Variants in CSNK2A1 observed in about 807,000 individuals in gnomAD.
CSNK2A1 encodes the protein casein kinase 2 alpha 1.
Under a neutral mutation model 62.9 loss-of-function variants are expected in CSNK2A1, and 10 were observed. The ratio of observed to expected loss-of-function variants is 0.16; its 90% confidence interval spans 0.10 to 0.27. The LOEUF is 0.27. Among genes scored for constraint, CSNK2A1 ranks in the 10% least tolerant of loss-of-function variants. The pLI, the probability that CSNK2A1 is intolerant of heterozygous loss-of-function variation, is 1.00. For synonymous variants in CSNK2A1, 124 were observed against 167.8 expected (o/e 0.74, Z 2.02); for missense variants, 160 against 492.0 (o/e 0.33, Z 6.38).
At chr20:490,549 GCC>G (rs1008508290) in intron 9 of CSNK2A1, among the ~76,000 whole-genome samples, 6 of 147,622 alleles carry the variant, frequency 4.1e-5, no homozygotes, top group Non-Finnish European at 7.5e-5. Context: ...GATTACAAGC[GCC>G]CACCACCGCG....
At position 475,368 on chromosome 20, in the gene CSNK2A1, G is replaced by A. The variant is rs561220815; in HGVS notation, c.*8593C>T. On this transcript the variant is annotated 3_prime_UTR_variant, in exon 14 of 14. Transcript: ENST00000217244. ...CCAACTACTTGGGAGGCTGAGGCAG[G>A]AGAATCGCTTGAACCTGGGAGGTGG... 2 of 152,110 alleles carry A rather than the reference G, an allele frequency of 1.3e-5. No individual in the cohort carries two copies. The highest frequency in any genetic ancestry group is 2.9e-5 in the Non-Finnish European group (2 of 68,214). 9.4% of individuals were successfully genotyped at this position (152,110 alleles called of 1,614,324 possible).
chr20:523,913 T>C lies in CSNK2A1; in HGVS notation c.-110+4020A>G, dbSNP rs189854180. On this transcript the variant is annotated intron_variant, in intron 2 of 13. Transcript: ENST00000217244. ...TAACTCAGAACAGAACAGTGGTTGCTAGAGATTAGGGGTGGGAGGCTAGGT... is the reference window on the plus strand; with the variant it reads ...TAACTCAGAACAGAACAGTGGTTGCCAGAGATTAGGGGTGGGAGGCTAGGT... 4.3e-3 allele frequency among the ~76,000 whole-genome samples: 626 copies of C among 145,280 alleles called. 4 individuals carry two copies. Among genetic ancestry groups the C allele is most frequent in the Non-Finnish European group, 6.6e-3 (440 of 66,484 alleles).
intron 8 of CSNK2A1, chr20:494,995 C>G (rs2018316634): frequency 6.6e-6 from 1 of 152,164 alleles, no homozygotes; most frequent in African/African-American, 2.4e-5. Flanking sequence ...TTCGTTTTTT[C>G]TTCTACATCA....
chr20:515,265 C>T lies in CSNK2A1; in HGVS notation c.-109-6605G>A, dbSNP rs76286303. On this transcript the variant is annotated intron_variant, in intron 2 of 13. Transcript: ENST00000217244. ...AAATGCTGTATGAAGTGGGAGGTGA[C>T]TCTTGGATTTCTTGCTTGACAGACT... 3.1e-3 allele frequency among the ~76,000 whole-genome samples: 470 copies of T among 152,252 alleles called. 4 individuals carry two copies. Among genetic ancestry groups the T allele is most frequent in the African/African-American group, 0.011 (461 of 41,548 alleles).
intron 1 of CSNK2A1, among the ~76,000 whole-genome samples, chr20:531,033 G>A (rs1454031721): frequency 6.6e-6 from 1 of 152,108 alleles, no homozygotes; most frequent in Non-Finnish European, 1.5e-5. Context: ...ACAGTGAGCT[G>A]AGATCGCGCC....
intron 2 of CSNK2A1, among the ~76,000 whole-genome samples, chr20:518,933 CTTTTTTTTTT>C (rs796982756): frequency 8.1e-6 from 1 of 123,710 alleles, no homozygotes; most frequent in Non-Finnish European, 1.7e-5. Flanking sequence ...GTTGGATATA[CTTTTTTTTTT>C]TTTTTTTTTT....
intron 1 of CSNK2A1, among the ~76,000 whole-genome samples, chr20:535,034 CAAAAAAAAAAAAAAA>C (rs11469217): frequency 7.3e-4 from 37 of 50,804 alleles, no homozygotes; most frequent in Admixed American, 2.8e-3. Flanking sequence ...TGCTATCTCC[CAAAAAAAAAAAAAAA>C]AAAAAAAAAA....
At chr20:490,392 G>A (rs1161201034) in intron 9 of CSNK2A1, among the ~76,000 whole-genome samples, 2 of 116,860 alleles carry the variant, frequency 1.7e-5, no homozygotes, top group African/African-American at 3.4e-5. Flanking sequence ...TCTTTCACTC[G>A]GTTTTAAAAC....
At position 490,118 on chromosome 20, in the gene CSNK2A1, G is replaced by A. The variant is rs56066171; in HGVS notation, c.622-237C>T. On this transcript the variant is annotated intron_variant, in intron 9 of 13. Coordinates refer to ENST00000217244, the MANE Select transcript of CSNK2A1 (RefSeq NM_177559.3). ...GCAATCTTGGCTCACCACAACCTCC[G>A]CCTCCCGGGTTCAAGCAATTCTCCT... 0.019 allele frequency among the ~76,000 whole-genome samples: 2,804 copies of A among 148,470 alleles called. 93 individuals carry two copies. Among genetic ancestry groups the A allele is most frequent in the African/African-American group, 0.066 (2,636 of 40,092 alleles).
At position 517,520 on chromosome 20, in the gene CSNK2A1, G is replaced by A. The variant is rs1022258759; in HGVS notation, c.-109-8860C>T. Among the ~76,000 whole-genome samples, 16 of 152,006 alleles carry A rather than the reference G, an allele frequency of 1.1e-4. No homozygotes were observed. The South Asian group carries it at 1.9e-3, about 18-fold the overall frequency. ...AATTAAGTCATGGTGGTGTACAGAC[G>A]TTGAAGGGTATTTAAACTATCACCA... On this transcript the variant is annotated intron_variant, in intron 2 of 13. Coordinates refer to ENST00000217244, the MANE Select transcript of CSNK2A1 (RefSeq NM_177559.3).
rs929032188 is a variant in CSNK2A1, at chr20:475,640, T to C, written c.*8321A>G. Reference sequence around the variant, plus strand: ...CTAAACATACACACCCTTTGCCATATAACCTCATAAAGTTTTCCCAACACA... The same window carrying C: ...CTAAACATACACACCCTTTGCCATACAACCTCATAAAGTTTTCCCAACACA... On this transcript the variant is annotated 3_prime_UTR_variant, in exon 14 of 14. Transcript: ENST00000217244. 6.6e-6 allele frequency: 1 copy of C among 151,556 alleles called. No individual in the cohort carries two copies. Among genetic ancestry groups the C allele is most frequent in the African/African-American group, 2.4e-5 (1 of 41,328 alleles). 9.4% of individuals were successfully genotyped at this position (151,556 alleles called of 1,614,324 possible).
chr20:504,129 A>T (rs2018528425), intron 4 of CSNK2A1: 1 of 152,696 alleles, frequency 6.5e-6, no homozygotes, highest in Non-Finnish European at 1.5e-5. Flanking sequence ...CAGTGAGCCG[A>T]GATCGCGCCA....
At chr20:508,712 G>A in intron 2 of CSNK2A1, 52 bp from the exon 3 acceptor site, 1 of 620,826 alleles carries the variant, frequency 1.6e-6, no homozygotes, top group Non-Finnish European at 2.8e-6. Context: ...GAAGGTATAT[G>A]GGAAGGAAAT....
At chr20:493,727 C>T (rs2018286349) in intron 8 of CSNK2A1, among the ~76,000 whole-genome samples, 1 of 152,180 alleles carries the variant, frequency 6.6e-6, no homozygotes, top group African/African-American at 2.4e-5. Flanking sequence ...ATAATCTCCT[C>T]AACAAGATAT....
chr20:538,618 C>A (rs2019383665), intron 1 of CSNK2A1, among the ~76,000 whole-genome samples: 1 of 152,068 alleles, frequency 6.6e-6, no homozygotes, highest in South Asian at 2.1e-4. Context: ...GTGATGATTC[C>A]CAGATCTGAC....
intron 8 of CSNK2A1, among the ~76,000 whole-genome samples, chr20:493,448 A>C (rs2018277434): frequency 6.6e-6 from 1 of 152,162 alleles, no homozygotes; most frequent in South Asian, 2.1e-4. Flanking sequence ...TTTAAAAATA[A>C]ATATAAACAG....
At position 481,473 on chromosome 20, in the gene CSNK2A1, A is replaced by C. The variant is rs1385106205; in HGVS notation, c.*2488T>G. 1 of 149,388 alleles carries C rather than the reference A, an allele frequency of 6.7e-6. No individual in the cohort carries two copies. Among genetic ancestry groups the C allele is most frequent in the African/African-American group, 2.4e-5 (1 of 40,868 alleles). The allele number at this position is 149,388 out of a possible 1,614,324, so 9.3% of individuals were successfully genotyped here. A position where few individuals can be genotyped will look rare whatever the true frequency, so the allele number is the denominator to read the frequency against. ...ACAACACGTAAGTTGTTACTCTGTA[A>C]ACCCTTGCCTCCCCCCCACCCCCCA... On this transcript the variant is annotated 3_prime_UTR_variant, in exon 14 of 14. Transcript: ENST00000217244.
intron 1 of CSNK2A1, among the ~76,000 whole-genome samples, chr20:529,945 T>A (rs568525080): frequency 1.3e-4 from 20 of 152,296 alleles, no homozygotes; most frequent in African/African-American, 4.3e-4. Context: ...GACTACTCTG[T>A]GTGTATATCT....
intron 4 of CSNK2A1, 118 bp downstream of exon 4, chr20:505,000 A>C: frequency 1.2e-6 from 1 of 822,390 alleles, no homozygotes; most frequent in Non-Finnish European, 1.9e-6. Flanking sequence ...GATACAATAA[A>C]ATTTTATTTA....
Sources: gnomAD v4.1 joint callset for allele counts (sites outside exome capture counted in the v4.1 genomes callset) on GRCh38, gnomAD v4.1.1 for gene constraint, MANE v1.5 for transcripts, NCBI Gene and HGNC (gene_info 2026-07-23, HGNC 2026-07-21) for gene names.